AIMP2: variants seen among roughly 807,000 people sequenced by gnomAD.
AIMP2 encodes the protein aminoacyl tRNA synthase complex-interacting multifunctional protein 2.
AIMP2 carries 20 observed loss-of-function variants against 23.4 expected under a neutral mutation model. That is an observed-to-expected ratio of 0.85 (90% CI 0.60 to 1.24). The LOEUF (loss-of-function observed/expected upper bound fraction) is 1.24. Ranked by LOEUF, AIMP2 falls within the 50% of genes most tolerant of loss-of-function variation. The pLI, the probability that AIMP2 is intolerant of heterozygous loss-of-function variation, is 0.00. For synonymous variants in AIMP2, 210 were observed against 170.4 expected, an observed-to-expected ratio of 1.23 and a Z score of -1.81; for missense variants, 515 against 414.5, an observed-to-expected ratio of 1.24 and a Z score of -2.10.
intron 1 of AIMP2, chr7:6,012,925 G>A (rs2009115): frequency 0.14 from 140,756 of 988,966 alleles, 10,253 homozygotes; most frequent in Middle Eastern, 0.17. Context: ...TTTCTCTGAC[G>A]TTTGATCTTA....
chr7:6,010,450 T>G (rs754607206), intron 1 of AIMP2, among the ~76,000 whole-genome samples: 14 of 19,714 alleles, frequency 7.1e-4, no homozygotes, highest in African/African-American at 1.2e-3. Flanking sequence ...GGTTTTTTGT[T>G]TTTTTTTTTG....
At position 6,009,293 on chromosome 7, in the gene AIMP2, C is replaced by A; in HGVS notation, c.-71C>A. On this transcript the variant is annotated 5_prime_UTR_variant, in exon 1 of 4. Transcript: ENST00000223029. The stretch of plus-strand genomic sequence containing the variant: ...GGTCAGAAGGGAGGTGGCCGGTCTC[C>A]GTCGTGACCTCTGACGGTTTCTGAG... The A allele has an allele frequency of 6.2e-7, 1 of 1,609,366 alleles. No individual in the cohort carries two copies. The highest frequency in any genetic ancestry group is 8.5e-7 in the Non-Finnish European group (1 of 1,178,708).
rs545521959 is a variant in AIMP2 at position 6,021,128 on chromosome 7, G to A, written c.575-2175G>A. The stretch of plus-strand genomic sequence containing the variant: ...AGTTAACACCAAGGGCGTCAAAGTC[G>A]TCTACTTGCCCCCAGGCTCATTACA... On this transcript the variant is annotated intron_variant, in intron 3 of 3. Coordinates refer to ENST00000223029, the MANE Select transcript of AIMP2 (RefSeq NM_006303.4). Among the ~76,000 whole-genome samples the A allele has an allele frequency of 4.6e-5, 7 of 152,190 alleles. No homozygotes were observed. The East Asian group carries it at 7.7e-4, about 17-fold the overall frequency.
At chr7:6,011,469 C>A (rs1786685296) in intron 1 of AIMP2, among the ~76,000 whole-genome samples, 1 of 152,176 alleles carries the variant, frequency 6.6e-6, no homozygotes, top group Non-Finnish European at 1.5e-5. Flanking sequence ...ACTCTTTTCT[C>A]ATTGCAAACG....
intron 1 of AIMP2, among the ~76,000 whole-genome samples, chr7:6,010,637 C>T (rs575697845): frequency 4.0e-5 from 6 of 151,804 alleles, no homozygotes; most frequent in Non-Finnish European, 5.9e-5. Flanking sequence ...TTGGTAGAGA[C>T]GGGGTTTCAC....
At chr7:6,015,804 T>C (rs1031920051) in intron 2 of AIMP2, among the ~76,000 whole-genome samples, 21 of 152,234 alleles carry the variant, frequency 1.4e-4, no homozygotes, top group African/African-American at 5.1e-4. Flanking sequence ...TCTAAATGAG[T>C]GTGCCTTTGC....
chr7:6,014,951 G>A (rs12702468), intron 1 of AIMP2, 195 bp from the exon 2 acceptor site: 184,853 of 1,250,826 alleles, frequency 0.15, 14,363 homozygotes, highest in African/African-American at 0.21. Flanking sequence ...AACTCCTGAC[G>A]TCAGATGATC....
At chr7:6,015,820 A>G (rs897470599) in intron 2 of AIMP2, among the ~76,000 whole-genome samples, 3 of 152,250 alleles carry the variant, frequency 2.0e-5, no homozygotes, top group African/African-American at 7.2e-5. Flanking sequence ...TTTGCACAGA[A>G]CAGAGTCCCA....
rs6979676 is a variant in AIMP2, at chr7:6,015,356, G to A, written c.342+4G>A. On this transcript the variant is annotated splice_donor_region_variant and intron_variant, in intron 2 of 3. Transcript: ENST00000223029. ...CTTGAATTCAGTGCTTGGGAAGGTA[G>A]GTTCGTTTTGAAAGCTGAAACGTTA... 397,233 of 1,613,354 alleles carry A rather than the reference G, an allele frequency of 0.25. 50,473 individuals are homozygous for A. Among genetic ancestry groups the A allele is most frequent in the African/African-American group, 0.33 (24,901 of 74,916 alleles).
At chr7:6,022,747 G>A (rs1001950620) in intron 3 of AIMP2, 1 of 152,564 alleles carries the variant, frequency 6.6e-6, no homozygotes, top group African/African-American at 2.4e-5. Flanking sequence ...GGGGAGTCAT[G>A]GCTATCACAG....
intron 1 of AIMP2, among the ~76,000 whole-genome samples, chr7:6,014,468 G>C (rs1350721371): frequency 6.7e-6 from 1 of 148,250 alleles, no homozygotes; most frequent in African/African-American, 2.5e-5. Flanking sequence ...ATGTTGGCCA[G>C]GCTGGTCTCA....
At chr7:6,016,518 A>T (rs937552422) in intron 2 of AIMP2, among the ~76,000 whole-genome samples, 7 of 152,194 alleles carry the variant, frequency 4.6e-5, no homozygotes, top group Admixed American at 4.6e-4. Flanking sequence ...CTGAGGACTC[A>T]GATGAGGTGC....
chr7:6,009,296 C>G lies in AIMP2; in HGVS notation c.-68C>G. The G allele has an allele frequency of 4.3e-6, 7 of 1,609,836 alleles. No homozygotes were observed. The highest frequency in any genetic ancestry group is 5.9e-6 in the Non-Finnish European group (7 of 1,179,010). Reference sequence around the variant, plus strand: ...CAGAAGGGAGGTGGCCGGTCTCCGTCGTGACCTCTGACGGTTTCTGAGCGT... The same window carrying G: ...CAGAAGGGAGGTGGCCGGTCTCCGTGGTGACCTCTGACGGTTTCTGAGCGT... On this transcript the variant is annotated 5_prime_UTR_variant, in exon 1 of 4. Coordinates refer to ENST00000223029, the MANE Select transcript of AIMP2 (RefSeq NM_006303.4).
rs1373523859 is a variant in AIMP2, at chr7:6,009,411, C to T, written c.48C>T (p.Leu16=). 2 of 1,611,454 alleles carry T rather than the reference C, an allele frequency of 1.2e-6. No homozygotes were observed. Among genetic ancestry groups the T allele is most frequent in the African/African-American group, 1.3e-5 (1 of 74,882 alleles). Residue 16 remains leucine (L), a synonymous_variant, in exon 1 of 4, where the codon CTC becomes CTT. Coordinates refer to ENST00000223029, the MANE Select transcript of AIMP2 (RefSeq NM_006303.4). The part of the protein sequence containing the change: ...VKPYHGGGAP[L]RVELPTCMYR... ...CCTATCACGGGGGCGGCGCGCCTCT[C>T]CGTGTGGAGCTTCCCACCTGCATGT...
intron 1 of AIMP2, 174 bp from the exon 2 acceptor site, chr7:6,014,972 G>A: frequency 7.1e-7 from 1 of 1,402,354 alleles, no homozygotes; most frequent in Non-Finnish European, 9.3e-7. Context: ...TGCCTACCTG[G>A]ACCTCCCGAA....
rs539260435 is a variant in AIMP2 at position 6,017,756 on chromosome 7, C to T, written c.343-58C>T. On this transcript the variant is annotated intron_variant, in intron 2 of 3. Coordinates refer to ENST00000223029, the MANE Select transcript of AIMP2 (RefSeq NM_006303.4). ...CTGGTTAGGTTCTTAGACTCGCGCC[C>T]GGCACAGTGGCACTCTCCGATGACT... is the stretch of plus-strand genomic sequence containing the variant. The T allele has an allele frequency of 2.9e-4, 436 of 1,491,926 alleles. 1 individual carries two copies. The highest frequency in any genetic ancestry group is 8.2e-4 in the East Asian group (34 of 41,536). The allele number at this position is 1,491,926 out of a possible 1,614,324, so 92.4% of individuals were successfully genotyped here. A position where few individuals can be genotyped will look rare whatever the true frequency, so the allele number is the denominator to read the frequency against.
At chr7:6,012,978 A>C (rs1786785002) in intron 1 of AIMP2, 1 of 985,312 alleles carries the variant, frequency 1.0e-6, no homozygotes, top group African/African-American at 1.7e-5. Context: ...GTGCTGATTA[A>C]GCCCGAAGGT....
intron 3 of AIMP2, among the ~76,000 whole-genome samples, chr7:6,019,685 C>T (rs1338826563): frequency 6.6e-6 from 1 of 151,976 alleles, no homozygotes; most frequent in East Asian, 1.9e-4. Flanking sequence ...TCTGCAGCTG[C>T]CACTTCAAGA....
At chr7:6,011,644 A>G (rs1324628833) in intron 1 of AIMP2, among the ~76,000 whole-genome samples, 2 of 152,170 alleles carry the variant, frequency 1.3e-5, no homozygotes, top group Admixed American at 6.5e-5. Flanking sequence ...TTGAAACCCA[A>G]TAACACAACT....
Sources: gnomAD v4.1 joint callset for allele counts (sites outside exome capture counted in the v4.1 genomes callset) on GRCh38, gnomAD v4.1.1 for gene constraint, MANE v1.5 for transcripts, NCBI Gene and HGNC (gene_info 2026-07-23, HGNC 2026-07-21) for gene names.